Variants in ENOSF1 observed in about 807,000 individuals in gnomAD.
ENOSF1 encodes enolase superfamily member 1, also known as mitochondrial enolase superfamily member 1.
In ENOSF1, 73 loss-of-function variants were observed where a neutral mutation model predicts 68.2. The observed-to-expected ratio is 1.07, with a 90% confidence interval of 0.89 to 1.30. ENOSF1 has a LOEUF of 1.30. Among genes scored for constraint, ENOSF1 ranks in the 50% most tolerant of loss-of-function variants. The pLI, the probability that ENOSF1 is intolerant of heterozygous loss-of-function variation, is 0.00. For synonymous variants in ENOSF1, 223 were observed against 210.4 expected (o/e 1.06, Z -0.52); for missense variants, 589 against 554.5 (o/e 1.06, Z -0.62).
the ENOSF1 span, among the ~76,000 whole-genome samples, chr18:665,144 G>A: frequency 1.4e-5 from 2 of 144,130 alleles, no homozygotes; most frequent in Non-Finnish European, 3.0e-5. Context: ...AATCCATCTG[G>A]TCCTGGACTC....
chr18:688,682 T>C (rs1365688913), intron 8 of ENOSF1, 74 bp from the exon 9 acceptor site: 2 of 1,346,248 alleles, frequency 1.5e-6, no homozygotes, highest in African/African-American at 2.9e-5. Flanking sequence ...TCATTGCTGA[T>C]CTGTTTCACA....
chr18:702,286 A>C (rs1176197580), intron 2 of ENOSF1, among the ~76,000 whole-genome samples: 2 of 123,464 alleles, frequency 1.6e-5, no homozygotes, highest in Non-Finnish European at 3.4e-5. Flanking sequence ...AAAAAAAAAA[A>C]CCCAGGTCAG....
chr18:680,277 T>C (rs2075946874), intron 11 of ENOSF1, among the ~76,000 whole-genome samples: 1 of 152,226 alleles, frequency 6.6e-6, no homozygotes, highest in Non-Finnish European at 1.5e-5. Flanking sequence ...TTTGAGCAGA[T>C]GGTCTCTAAG....
rs1555658045 is a variant in ENOSF1, at chr18:690,702, A to AAGCTGTTTCCCCTGGACAGTCC, written c.536-72_536-71insGGACTGTCCAGGGGAAACAGCT. On this transcript the variant is annotated intron_variant, in intron 7 of 15. Transcript: ENST00000647584. ...TTCGGAATTGGAAGTGCCTGTAGCTAAGCTGTTTCCCCTGGAGAGTCCAGC... is the reference window on the plus strand; with the variant it reads ...TTCGGAATTGGAAGTGCCTGTAGCTAAGCTGTTTCCCCTGGACAGTCCAGCTGTTTCCCCTGGAGAGTCCAGC... 5.1e-6 allele frequency: 8 copies of AAGCTGTTTCCCCTGGACAGTCC among 1,579,874 alleles called. No homozygotes were observed. In the Middle Eastern group the frequency reaches 1.2e-3, roughly 242 times the overall value.
At chr18:698,929 G>A (rs2078033674) in intron 2 of ENOSF1, among the ~76,000 whole-genome samples, 1 of 152,070 alleles carries the variant, frequency 6.6e-6, no homozygotes, top group Non-Finnish European at 1.5e-5. Flanking sequence ...GCACCTCACT[G>A]TAATCTTGAA....
chr18:697,104 G>A (rs990744916), intron 3 of ENOSF1, 136 bp downstream of exon 3: 5 of 702,918 alleles, frequency 7.1e-6, no homozygotes, highest in South Asian at 1.5e-5. Flanking sequence ...GTGACAGAGT[G>A]AGACTCCATC....
intron 11 of ENOSF1, among the ~76,000 whole-genome samples, chr18:682,325 C>A (rs566267501): frequency 7.2e-5 from 11 of 152,274 alleles, no homozygotes; most frequent in Admixed American, 5.2e-4. Context: ...TGCTACTGTT[C>A]TGAACGCTGC....
rs2079715327 is a variant in ENOSF1 at position 712,516 on chromosome 18, G to C, written c.72C>G (p.Gly24=). Residue 24 remains glycine, a synonymous_variant, in exon 1 of 16, where the codon GGC becomes GGG. Transcript: ENST00000647584. ...CGTCCGCGCTTACCATGGCGTCCGC[G>C]CCGTGGCCCCCAAGCGACGTGGGGA... ...VRFPTSLGGH[G]ADAMHTDPDY... 6.5e-7 allele frequency: 1 copy of C among 1,539,100 alleles called. No individual in the cohort carries two copies. The highest frequency in any genetic ancestry group is 8.7e-7 in the Non-Finnish European group (1 of 1,146,294).
chr18:700,576 C>T (rs142579461), intron 2 of ENOSF1, among the ~76,000 whole-genome samples: 85 of 152,138 alleles, frequency 5.6e-4, no homozygotes, highest in African/African-American at 1.8e-3. Context: ...TAGAATTTGT[C>T]GCATTCAATA....
intron 1 of ENOSF1, among the ~76,000 whole-genome samples, chr18:711,161 A>C (rs1598849184): frequency 6.6e-6 from 1 of 152,072 alleles, no homozygotes; most frequent in Non-Finnish European, 1.5e-5. Flanking sequence ...CAGATAAGAG[A>C]CCCTGCCTCA....
intron 8 of ENOSF1, among the ~76,000 whole-genome samples, chr18:689,189 G>A (rs1479904632): frequency 1.3e-5 from 2 of 152,304 alleles, no homozygotes; most frequent in Non-Finnish European, 2.9e-5. Context: ...AGCCCAAGGT[G>A]ACTCACTAAG....
downstream of ENOSF1, among the ~76,000 whole-genome samples, chr18:668,822 A>G (rs187345451): frequency 9.7e-4 from 147 of 152,280 alleles, no homozygotes; most frequent in African/African-American, 3.2e-3. Flanking sequence ...GACAGACCAA[A>G]TATTCAAAGG....
chr18:712,599 C>T lies in ENOSF1; in HGVS notation c.-12G>A. On this transcript the variant is annotated 5_prime_UTR_variant, in exon 1 of 16. Coordinates refer to ENST00000647584, the MANE Select transcript of ENOSF1 (RefSeq NM_017512.7). ...CTGCCGCGCACCATGGCCCCTGCGC[C>T]CCGTGGCCGCGGCCCCCGTGCGGTC... 1 of 1,532,830 alleles carries T rather than the reference C, an allele frequency of 6.5e-7. No homozygotes were observed. 95.0% of individuals were successfully genotyped at this position (1,532,830 alleles called of 1,614,324 possible).
chr18:683,621 C>T (rs1463479466), intron 10 of ENOSF1, among the ~76,000 whole-genome samples: 2 of 152,106 alleles, frequency 1.3e-5, no homozygotes, highest in Admixed American at 1.3e-4. Flanking sequence ...TGAGGAGCCA[C>T]TGGATGTCCA....
Position 672,740 on chromosome 18 carries a change from C to A in ENOSF1, c.*1565G>T. 1 of 1,147,262 alleles carries A rather than the reference C, an allele frequency of 8.7e-7. No homozygotes were observed. Among genetic ancestry groups the A allele is most frequent in the Non-Finnish European group, 1.2e-6 (1 of 819,170 alleles). 71.1% of individuals were successfully genotyped at this position (1,147,262 alleles called of 1,614,324 possible). On this transcript the variant is annotated 3_prime_UTR_variant, in exon 16 of 16. Coordinates refer to ENST00000647584, the MANE Select transcript of ENOSF1 (RefSeq NM_017512.7). ...ACCTACGGCAAGGTATCGACAGGAT[C>A]ATACTCCTGTAAAATAGAACTTTGT...
intron 11 of ENOSF1, among the ~76,000 whole-genome samples, chr18:682,086 C>T (rs1453976088): frequency 6.6e-6 from 1 of 152,136 alleles, no homozygotes; most frequent in Non-Finnish European, 1.5e-5. Flanking sequence ...GCAAAGTCAC[C>T]TCAGGAAAAA....
intron 11 of ENOSF1, among the ~76,000 whole-genome samples, chr18:679,198 C>T (rs2075827368): frequency 7.0e-6 from 1 of 143,854 alleles, no homozygotes; most frequent in African/African-American, 2.6e-5. Flanking sequence ...CTTCTAGAAC[C>T]CTCTCATATC....
downstream of ENOSF1, among the ~76,000 whole-genome samples, chr18:666,932 GTGATGGAGATGGT>G (rs1567989509): frequency 4.2e-4 from 25 of 59,630 alleles, 2 homozygotes; most frequent in Middle Eastern, 6.9e-3. Flanking sequence ...GATGGTGATG[GTGATGGAGATGGT>G]GATGGTGATG....
In ENOSF1 at chr18:683,126, A is replaced by G. The variant is rs144128918; in HGVS notation, c.876+120T>C. 2.9e-4 allele frequency: 346 copies of G among 1,198,004 alleles called. 6 individuals carry two copies. The East Asian group carries it at 6.7e-3, about 23-fold the overall frequency. The allele number at this position is 1,198,004 out of a possible 1,614,324, so 74.2% of individuals were successfully genotyped here. A position where few individuals can be genotyped will look rare whatever the true frequency, so the allele number is the denominator to read the frequency against. On this transcript the variant is annotated intron_variant, in intron 11 of 15. Transcript: ENST00000647584. ...ATTTGTCACACATTACAATTATTTC[A>G]GCTACTTCAACAGGAAATGCAAGAG...
Sources: gnomAD v4.1 joint callset for allele counts (sites outside exome capture counted in the v4.1 genomes callset) on GRCh38, gnomAD v4.1.1 for gene constraint, MANE v1.5 for transcripts, NCBI Gene and HGNC (gene_info 2026-07-23, HGNC 2026-07-21) for gene names.